Variants in NTNG1 observed in about 807,000 individuals in gnomAD.
NTNG1 encodes netrin G1, also known as netrin-G1.
A neutral mutation model predicts 54.0 loss-of-function variants in NTNG1; 16 were observed. That is an observed-to-expected ratio of 0.30 (90% CI 0.20 to 0.45). The LOEUF (loss-of-function observed/expected upper bound fraction) is 0.45. Among genes scored for constraint, NTNG1 ranks in the 20% least tolerant of loss-of-function variants. The probability of loss-of-function intolerance (pLI) is 1.00; values close to 1 mark genes in which losing one functional copy is unlikely to be tolerated. For synonymous variants in NTNG1, 255 were observed against 263.1 expected, an observed-to-expected ratio of 0.97 and a Z score of 0.30; for missense variants, 530 against 678.7, an observed-to-expected ratio of 0.78 and a Z score of 2.43.
chr1:107,331,140 A>G (rs1410916606), intron 3 of NTNG1, among the ~76,000 whole-genome samples: 4 of 152,076 alleles, frequency 2.6e-5, no homozygotes, highest in African/African-American at 4.8e-5. Flanking sequence ...AACGTCACAC[A>G]TAACAAAGTG....
chr1:107,151,178 A>G (rs1163823218), intron 2 of NTNG1, among the ~76,000 whole-genome samples: 1 of 152,226 alleles, frequency 6.6e-6, no homozygotes, highest in Non-Finnish European at 1.5e-5. Flanking sequence ...TCCTTTAAAT[A>G]TATACCTTGT....
intron 2 of NTNG1, among the ~76,000 whole-genome samples, chr1:107,269,523 T>C (rs1479673445): frequency 6.6e-6 from 1 of 152,240 alleles, no homozygotes; most frequent in Non-Finnish European, 1.5e-5. Flanking sequence ...AGCTTTGTGA[T>C]AACAGGGATT....
chr1:107,274,102 G>C (rs916447823), intron 2 of NTNG1, among the ~76,000 whole-genome samples: 3 of 152,130 alleles, frequency 2.0e-5, no homozygotes, highest in Non-Finnish European at 4.4e-5. Context: ...CCATTAAAGT[G>C]GGTATTATTA....
intron 2 of NTNG1, among the ~76,000 whole-genome samples, chr1:107,158,671 C>T (rs989239594): frequency 3.3e-5 from 5 of 152,070 alleles, no homozygotes; most frequent in Admixed American, 3.3e-4. Flanking sequence ...AGTACACTTC[C>T]AGACAATTTC....
chr1:107,348,306 A>C (rs907764292), intron 3 of NTNG1, among the ~76,000 whole-genome samples: 1 of 151,966 alleles, frequency 6.6e-6, no homozygotes, highest in Non-Finnish European at 1.5e-5. Context: ...TTGTATTTTT[A>C]GAAGAGACGG....
intron 3 of NTNG1, among the ~76,000 whole-genome samples, chr1:107,386,958 C>T (rs1013359226): frequency 3.3e-5 from 5 of 152,140 alleles, no homozygotes; most frequent in African/African-American, 7.2e-5. Flanking sequence ...TGTGAATCGG[C>T]GTCTCATTGT....
At chr1:107,445,944 C>A (rs935279084) in intron 7 of NTNG1, among the ~76,000 whole-genome samples, 4 of 152,030 alleles carry the variant, frequency 2.6e-5, no homozygotes, top group African/African-American at 9.7e-5. Context: ...AAAAACCATT[C>A]TTAGTTCATA....
intron 7 of NTNG1, among the ~76,000 whole-genome samples, chr1:107,443,653 T>G (rs1157514993): frequency 6.6e-6 from 1 of 152,186 alleles, no homozygotes; most frequent in Non-Finnish European, 1.5e-5. Flanking sequence ...ACAGGCAGCA[T>G]GTCACTTAAA....
intron 3 of NTNG1, among the ~76,000 whole-genome samples, chr1:107,335,114 T>C (rs760376135): frequency 4.6e-5 from 7 of 152,028 alleles, no homozygotes; most frequent in Admixed American, 2.6e-4. Context: ...ATACACACAA[T>C]TTCTTTTATT....
chr1:107,352,329 G>T (rs1272654029), intron 3 of NTNG1, among the ~76,000 whole-genome samples: 3 of 151,292 alleles, frequency 2.0e-5, no homozygotes, highest in African/African-American at 7.3e-5. Flanking sequence ...CTTCTGCCTG[G>T]ACATTCAGGC....
chr1:107,465,426 T>A lies in NTNG1; in HGVS notation c.1391-15185T>A, dbSNP rs190225818. Among the ~76,000 whole-genome samples, 225 of 152,344 alleles carry A rather than the reference T, an allele frequency of 1.5e-3. 1 individual carries two copies. The highest frequency in any genetic ancestry group is 5.3e-3 in the African/African-American group (221 of 41,574). On this transcript the variant is annotated intron_variant, in intron 7 of 7. Transcript: ENST00000370068. ...GCCTGCCCTCAGAGTGCTTGTATTT[T>A]GGTTGAGGAGACAAGAAATGCACAT...
chr1:107,458,629 A>T (rs1677094477), intron 7 of NTNG1, among the ~76,000 whole-genome samples: 1 of 152,206 alleles, frequency 6.6e-6, no homozygotes, highest in Non-Finnish European at 1.5e-5. Context: ...AATATTCATG[A>T]AACAATTATT....
At chr1:107,146,655 A>G (rs757904542) in intron 1 of NTNG1, among the ~76,000 whole-genome samples, 9 of 152,106 alleles carry the variant, frequency 5.9e-5, no homozygotes, top group Non-Finnish European at 7.4e-5. Context: ...AGGAACTCAA[A>G]TATTCAACAC....
intron 6 of NTNG1, among the ~76,000 whole-genome samples, chr1:107,434,458 G>A (rs537695576): frequency 6.6e-6 from 1 of 152,234 alleles, no homozygotes; most frequent in East Asian, 1.9e-4. Context: ...ATGTAAACTT[G>A]AGCATTAAGC....
chr1:107,454,652 T>G (rs1676826498), intron 7 of NTNG1, among the ~76,000 whole-genome samples: 1 of 152,144 alleles, frequency 6.6e-6, no homozygotes, highest in Non-Finnish European at 1.5e-5. Flanking sequence ...CTTCACTAAT[T>G]AATACCCAAA....
chr1:107,253,306 A>G (rs1445962856), intron 2 of NTNG1, among the ~76,000 whole-genome samples: 2 of 152,228 alleles, frequency 1.3e-5, no homozygotes, highest in Non-Finnish European at 2.9e-5. Flanking sequence ...CCACACTCCA[A>G]TAAAGGTTTG....
chr1:107,218,679 G>T (rs1660133911), intron 2 of NTNG1, among the ~76,000 whole-genome samples: 2 of 152,122 alleles, frequency 1.3e-5, no homozygotes, highest in African/African-American at 2.4e-5. Flanking sequence ...GCATTTGTTT[G>T]TCTGTAAAAG....
At chr1:107,371,919 A>G (rs1479184625) in intron 3 of NTNG1, among the ~76,000 whole-genome samples, 1 of 152,024 alleles carries the variant, frequency 6.6e-6, no homozygotes, top group African/African-American at 2.4e-5. Flanking sequence ...CCCTAATATG[A>G]AATCCAAAAT....
Position 107,436,760 on chromosome 1 carries a change from G to A in NTNG1, c.1351G>A (p.Glu451Lys). Residue 451 changes from glutamate (E) to lysine (K), a missense_variant, in exon 7 of 8, where the codon GAG becomes AAG. Physicochemically the swap from Glu to Lys is moderately conservative, Grantham distance 56. Around this residue, in one of 2 missense-constraint regions of NTNG1, gnomAD observed 212 missense variants for 213.6 expected, o/e 0.99. Coordinates refer to ENST00000370068, the MANE Select transcript of NTNG1 (RefSeq NM_001113226.3). ...TGGAACAACAGGGCCTAAGTGTGAT[G>A]AGTGTCTGCCGGGAAATTCCTGGCA... ...KTGTTGPKCDECLPGNSWHYG... is the reference protein window; with the variant it reads ...KTGTTGPKCDKCLPGNSWHYG... 1 of 1,613,526 alleles carries A rather than the reference G, an allele frequency of 6.2e-7. No individual in the cohort carries two copies. The highest frequency in any genetic ancestry group is 1.3e-5 in the African/African-American group (1 of 75,040).
Sources: gnomAD v4.1 joint callset for allele counts (sites outside exome capture counted in the v4.1 genomes callset) on GRCh38, gnomAD v4.1.1 for gene constraint, gnomAD v4.1.1 regional missense constraint, MANE v1.5 for transcripts, NCBI Gene and HGNC (gene_info 2026-07-23, HGNC 2026-07-21) for gene names.